Variants in PPFIBP1 observed in about 807,000 individuals in gnomAD.
PPFIBP1 encodes the protein liprin-beta-1.
In PPFIBP1, 112 loss-of-function variants were observed where a neutral mutation model predicts 137.8. The observed-to-expected ratio is 0.81, with a 90% CI of 0.70 to 0.95. PPFIBP1 has a LOEUF of 0.95. Among genes scored for constraint, PPFIBP1 ranks in the 40% least tolerant of loss-of-function variants. The probability of loss-of-function intolerance (pLI) is 0.00; values close to 1 mark genes in which losing one functional copy is unlikely to be tolerated. For missense variants in PPFIBP1, 1,083 were observed against 1,196.6 expected, an observed-to-expected ratio of 0.91 and a Z score of 1.40; for synonymous variants, 378 against 417.3, an observed-to-expected ratio of 0.91 and a Z score of 1.15.
chr12:27,623,067 A>G (rs1196528542), intron 2 of PPFIBP1, among the ~76,000 whole-genome samples: 2 of 152,170 alleles, frequency 1.3e-5, no homozygotes, highest in African/African-American at 4.8e-5. Flanking sequence ...AGAACTGCTT[A>G]TATCTAGGAA....
intron 11 of PPFIBP1, among the ~76,000 whole-genome samples, chr12:27,662,598 G>A (rs574128017): frequency 2.0e-5 from 3 of 152,158 alleles, no homozygotes; most frequent in Non-Finnish European, 4.4e-5. Flanking sequence ...TTTGAAAAAC[G>A]AGAGAAAATT....
intron 2 of PPFIBP1, among the ~76,000 whole-genome samples, chr12:27,632,853 G>A (rs1039360242): frequency 6.6e-6 from 1 of 152,206 alleles, no homozygotes; most frequent in Non-Finnish European, 1.5e-5. Context: ...CAGTAGGGGT[G>A]TATGTGTGTG....
In PPFIBP1 at chr12:27,663,871, T is replaced by G. The variant is rs974493925; in HGVS notation, c.907-491T>G. Among the ~76,000 whole-genome samples, 15 of 148,500 alleles carry G rather than the reference T, an allele frequency of 1.0e-4. 1 individual carries two copies. Among genetic ancestry groups the G allele is most frequent in the Non-Finnish European group, 1.5e-5 (1 of 67,180 alleles). On this transcript the variant is annotated intron_variant, in intron 11 of 29. Transcript: ENST00000228425. ...AAAAAAAGAGAAAAAGGATGAAAAG[T>G]GTTCATTGTTTTTAATAGATAGGAG...
rs766394569 is a variant in PPFIBP1, at chr12:27,692,746, G to A, written c.2932-50G>A. The A allele has an allele frequency of 5.0e-6, 8 of 1,613,950 alleles. No homozygotes were observed. The South Asian group carries it at 8.8e-5, about 18-fold the overall frequency. On this transcript the variant is annotated intron_variant, in intron 29 of 29. Coordinates refer to ENST00000228425, the MANE Select transcript of PPFIBP1 (RefSeq NM_003622.4). ...CCACATGTCTCTTGGAGAATGTGTA[G>A]CTCTGAGCTCTTGGCTCTCAGTGTG...
intron 1 of PPFIBP1, among the ~76,000 whole-genome samples, chr12:27,570,287 G>A (rs1391039658): frequency 5.3e-5 from 8 of 152,086 alleles, no homozygotes; most frequent in Non-Finnish European, 8.8e-5. Context: ...AGTTCTGTTA[G>A]CTTCCCTAAT....
At chr12:27,687,721 T>A (rs1418138690) in intron 25 of PPFIBP1, among the ~76,000 whole-genome samples, 2 of 152,344 alleles carry the variant, frequency 1.3e-5, no homozygotes, top group Admixed American at 6.5e-5. Flanking sequence ...TCAGTTATGC[T>A]TCTTCCTTTT....
chr12:27,669,062 G>A (rs973779553), intron 13 of PPFIBP1, among the ~76,000 whole-genome samples: 2 of 152,076 alleles, frequency 1.3e-5, no homozygotes, highest in African/African-American at 4.8e-5. Context: ...CCTTATTTTA[G>A]CAGTTCCTTT....
intron 16 of PPFIBP1, among the ~76,000 whole-genome samples, 181 bp from the exon 17 acceptor site, chr12:27,674,011 T>C (rs2060355391): frequency 6.6e-6 from 1 of 152,176 alleles, no homozygotes; most frequent in South Asian, 2.1e-4. Flanking sequence ...GGATTGAAAA[T>C]AGTATGTAAA....
rs2061643598 is a variant in PPFIBP1, at chr12:27,692,971, T to C, written c.*89T>C. On this transcript the variant is annotated 3_prime_UTR_variant, in exon 30 of 30. Coordinates refer to ENST00000228425, the MANE Select transcript of PPFIBP1 (RefSeq NM_003622.4). ...CACAGTATATACAACAGGCAGCGGA[T>C]TGTCTATTGTTTGTTGTTCCAACTT... 9.2e-6 allele frequency: 14 copies of C among 1,523,290 alleles called. No homozygotes were observed. Among genetic ancestry groups the C allele is most frequent in the Non-Finnish European group, 1.2e-5 (14 of 1,135,100 alleles). The allele number at this position is 1,523,290 out of a possible 1,614,324, so 94.4% of individuals were successfully genotyped here. A position where few individuals can be genotyped will look rare whatever the true frequency, so the allele number is the denominator to read the frequency against.
At chr12:27,552,930 T>G (rs1946921552) in intron 1 of PPFIBP1, among the ~76,000 whole-genome samples, 1 of 151,980 alleles carries the variant, frequency 6.6e-6, no homozygotes, top group Non-Finnish European at 1.5e-5. Flanking sequence ...GCCAGGGTGA[T>G]CGGACACCTG....
At chr12:27,677,511 A>G (rs946824999) in intron 19 of PPFIBP1, 1 of 199,578 alleles carries the variant, frequency 5.0e-6, no homozygotes, top group Non-Finnish European at 1.0e-5. Context: ...TTTTGGCCAT[A>G]TAGGGAGGTT....
chr12:27,633,309 C>A, intron 2 of PPFIBP1, 53 bp from the exon 3 acceptor site: 2 of 1,250,556 alleles, frequency 1.6e-6, no homozygotes, highest in Non-Finnish European at 2.3e-6. Context: ...TAGAAACCCA[C>A]TAGCAAGCCT....
chr12:27,624,080 G>C (rs1323976326), intron 2 of PPFIBP1, among the ~76,000 whole-genome samples: 1 of 152,036 alleles, frequency 6.6e-6, no homozygotes, highest in South Asian at 2.1e-4. Flanking sequence ...ACAAAGAAGA[G>C]GGTCCAAGCA....
chr12:27,685,465 T>G (rs1489941855), intron 24 of PPFIBP1, among the ~76,000 whole-genome samples: 1 of 152,168 alleles, frequency 6.6e-6, no homozygotes, highest in Non-Finnish European at 1.5e-5. Context: ...CTGCTTTTAA[T>G]AGCTCACGAT....
At chr12:27,671,656 A>G in intron 14 of PPFIBP1, 110 bp downstream of exon 14, 1 of 618,316 alleles carries the variant, frequency 1.6e-6, no homozygotes, top group Non-Finnish European at 2.8e-6. Context: ...GAGAAGCAAG[A>G]AACTGCAAGA....
At chr12:27,661,483 C>A (rs1308021060) in intron 11 of PPFIBP1, among the ~76,000 whole-genome samples, 1 of 152,166 alleles carries the variant, frequency 6.6e-6, no homozygotes, top group Non-Finnish European at 1.5e-5. Context: ...TTTCCTCCCC[C>A]CCCAGTTGGT....
At chr12:27,563,023 A>G (rs551711929) in intron 1 of PPFIBP1, among the ~76,000 whole-genome samples, 1 of 151,662 alleles carries the variant, frequency 6.6e-6, no homozygotes, top group South Asian at 2.1e-4. Flanking sequence ...ACGCTAATCT[A>G]GGCACTGCTG....
At chr12:27,577,523 C>G (rs931177191) in intron 1 of PPFIBP1, among the ~76,000 whole-genome samples, 2 of 152,252 alleles carry the variant, frequency 1.3e-5, no homozygotes, top group East Asian at 3.9e-4. Flanking sequence ...TCAAAAGGAA[C>G]GTTCACTGTT....
At chr12:27,688,199 G>A in intron 25 of PPFIBP1, 99 bp from the exon 26 acceptor site, 2 of 1,299,438 alleles carry the variant, frequency 1.5e-6, no homozygotes, top group Non-Finnish European at 2.1e-6. Context: ...CTTTCTTTTT[G>A]CATTTAGTGG....
Sources: gnomAD v4.1 joint callset for allele counts (sites outside exome capture counted in the v4.1 genomes callset) on GRCh38, gnomAD v4.1.1 for gene constraint, MANE v1.5 for transcripts, NCBI Gene and HGNC (gene_info 2026-07-23, HGNC 2026-07-21) for gene names.